CDC42BPA: variants seen among roughly 807,000 people sequenced by gnomAD.
CDC42BPA encodes serine/threonine-protein kinase MRCK alpha.
In CDC42BPA, 80 loss-of-function variants were observed where a neutral mutation model predicts 223.5. That is an observed-to-expected ratio of 0.36 (90% confidence interval 0.30 to 0.43). The LOEUF is 0.43. Ranked by LOEUF, CDC42BPA falls within the 20% of genes least tolerant of loss-of-function variation. CDC42BPA has a pLI of 1.00. For missense variants in CDC42BPA, 1,743 were observed against 2,099.9 expected (o/e 0.83, Z 3.32); for synonymous variants, 694 against 718.6 (o/e 0.97, Z 0.55).
intron 1 of CDC42BPA, among the ~76,000 whole-genome samples, chr1:227,299,416 C>T (rs1396666900): frequency 1.3e-5 from 2 of 152,072 alleles, no homozygotes; most frequent in African/African-American, 4.8e-5. Context: ...ATTACATCAT[C>T]TCCTTTTACT....
chr1:227,137,952 T>C (rs1015766609), intron 10 of CDC42BPA, among the ~76,000 whole-genome samples: 1 of 152,158 alleles, frequency 6.6e-6, no homozygotes, highest in Non-Finnish European at 1.5e-5. Flanking sequence ...AGTGTATACA[T>C]ATACAAATAT....
chr1:227,139,643 A>C lies in CDC42BPA; in HGVS notation c.1323T>G (p.Thr441=). Residue 441 remains threonine (T), a synonymous_variant, in exon 10 of 37, where the codon ACT becomes ACG. Coordinates refer to ENST00000366766, the MANE Select transcript of CDC42BPA (RefSeq NM_001394014.1). ...GCTTAATTCTTCTTTCATAAGCTTC[A>C]GTTGCTAAGTTGTTGTCTAGAGTCC... ...VQRTLDNNLA[T]EAYERRIKRL... 1 of 1,611,866 alleles carries C rather than the reference A, an allele frequency of 6.2e-7. No individual in the cohort carries two copies. The highest frequency in any genetic ancestry group is 8.5e-7 in the Non-Finnish European group (1 of 1,178,988).
rs772328155 is a variant in CDC42BPA, at chr1:227,016,981, T to A, written c.4685A>T (p.Asn1562Ile). ...SRKQMVRNIN[N>I]KRRYSFRVPE... The stretch of plus-strand genomic sequence containing the variant: ...GACTCTGAAGGAATAACGCCGCTTA[T>A]TGTTAATGTTTCTAACCATTTGTTT... Residue 1562 changes from asparagine to isoleucine, a missense_variant, in exon 33 of 37, where the codon AAT (asparagine) becomes ATT (isoleucine). Asn to Ile is a moderately radical substitution (Grantham distance 149). Transcript: ENST00000366766. 3 of 1,613,730 alleles carry A rather than the reference T, an allele frequency of 1.9e-6. No homozygotes were observed. In the Admixed American group the frequency reaches 5.0e-5, roughly 27 times the overall value.
chr1:227,048,009 G>T lies in CDC42BPA; in HGVS notation c.3011C>A (p.Thr1004Asn), dbSNP rs1340894914. The change falls in exon 23 of 37, where the codon ACT (threonine) becomes AAT (asparagine). Residue 1004 changes from threonine to asparagine, a missense_variant and splice_region_variant. This residue lies in a region of CDC42BPA where 678 missense variants were observed against 777.5 expected (regional missense o/e 0.87). Transcript: ENST00000366766. The part of the protein sequence containing the change: ...STSSEAEPVK[T>N]VDSTPLSVHT... Reference sequence around the variant, plus strand: ...AACTGAAAGTGGAGTGGAGTCTACAGTCTGAACCCAGGAGCAAAAAAGGAA... The same window carrying T: ...AACTGAAAGTGGAGTGGAGTCTACATTCTGAACCCAGGAGCAAAAAAGGAA... 6.3e-7 allele frequency: 1 copy of T among 1,594,526 alleles called. No homozygotes were observed. Among genetic ancestry groups the T allele is most frequent in the Admixed American group, 1.7e-5 (1 of 58,506 alleles).
At chr1:227,045,566 T>G (rs1333401947) in intron 23 of CDC42BPA, among the ~76,000 whole-genome samples, 2 of 152,168 alleles carry the variant, frequency 1.3e-5, no homozygotes, top group East Asian at 3.8e-4. Context: ...TTCTTTTTTC[T>G]GTCTTCCCTT....
At chr1:227,218,656 C>T (rs2150415581) in intron 2 of CDC42BPA, among the ~76,000 whole-genome samples, 1 of 152,252 alleles carries the variant, frequency 6.6e-6, no homozygotes, top group South Asian at 2.1e-4. Flanking sequence ...TTTACTACTC[C>T]AAGTACTGAA....
chr1:226,998,030 G>A lies in CDC42BPA; in HGVS notation c.4976-3050C>T, dbSNP rs558683457. ...AATAATAGAGAGCCAAATCATGAGTGAACTCCCATTACAATTGCTACAAAC... is the reference window on the plus strand; with the variant it reads ...AATAATAGAGAGCCAAATCATGAGTAAACTCCCATTACAATTGCTACAAAC... On this transcript the variant is annotated intron_variant, in intron 35 of 36. Coordinates refer to ENST00000366766, the MANE Select transcript of CDC42BPA (RefSeq NM_001394014.1). Among the ~76,000 whole-genome samples the A allele has an allele frequency of 1.5e-3, 235 of 152,226 alleles. 1 individual carries two copies. Among genetic ancestry groups the A allele is most frequent in the Middle Eastern group, 6.8e-3 (2 of 294 alleles).
At chr1:227,091,556 A>G (rs2149243773) in intron 16 of CDC42BPA, among the ~76,000 whole-genome samples, 1 of 152,292 alleles carries the variant, frequency 6.6e-6, no homozygotes, top group South Asian at 2.1e-4. Flanking sequence ...ATAAGCCAAA[A>G]TAAATCTATT....
At chr1:227,287,145 C>T (rs947359313) in intron 1 of CDC42BPA, among the ~76,000 whole-genome samples, 8 of 152,324 alleles carry the variant, frequency 5.3e-5, no homozygotes, top group African/African-American at 1.9e-4. Context: ...CATCATCACA[C>T]ATTTTACATG....
chr1:227,306,814 T>C (rs1692636608), intron 1 of CDC42BPA, among the ~76,000 whole-genome samples: 1 of 152,176 alleles, frequency 6.6e-6, no homozygotes, highest in Admixed American at 6.5e-5. Context: ...TCCTAATCTT[T>C]TCAAACAAGT....
Position 227,317,640 on chromosome 1 carries a change from A to AAGAAAAACAGAAAAGGGAGG in CDC42BPA, c.-478_-459dup, listed in dbSNP as rs1694615220. On this transcript the variant is annotated 5_prime_UTR_variant, in exon 1 of 37. It removes the in-frame stop codon of an upstream open reading frame in the 5' UTR. Coordinates refer to ENST00000366766, the MANE Select transcript of CDC42BPA (RefSeq NM_001394014.1). The stretch of plus-strand genomic sequence containing the variant: ...CATCAGCAATTCACTTCCCGGGAAG[A>AAGAAAAACAGAAAAGGGAGG]AGAAAAACAGAAAAGGGAGGAAAAA... 1.3e-5 allele frequency: 5 copies of AAGAAAAACAGAAAAGGGAGG among 397,438 alleles called. No homozygotes were observed. The highest frequency in any genetic ancestry group is 4.4e-5 in the Admixed American group (1 of 22,660). The allele number at this position is 397,438 out of a possible 1,614,324, so 24.6% of individuals were successfully genotyped here.
At chr1:227,164,698 G>A (rs1244501534) in intron 5 of CDC42BPA, among the ~76,000 whole-genome samples, 3 of 150,936 alleles carry the variant, frequency 2.0e-5, no homozygotes, top group Non-Finnish European at 4.4e-5. Context: ...GCACACACAC[G>A]TGCACGCACA....
At chr1:227,143,103 A>G in intron 8 of CDC42BPA, 79 bp from the exon 9 acceptor site, 1 of 873,154 alleles carries the variant, frequency 1.1e-6, no homozygotes, top group East Asian at 3.4e-5. Flanking sequence ...AAAATGCCAA[A>G]AAGAAATATT....
chr1:227,174,435 C>G (rs1167826185), intron 5 of CDC42BPA, among the ~76,000 whole-genome samples: 1 of 152,046 alleles, frequency 6.6e-6, no homozygotes. Flanking sequence ...AAGAAATCAG[C>G]GCAAAGCTCT....
Position 227,016,129 on chromosome 1 carries a change from G to A in CDC42BPA, c.4808C>T (p.Ala1603Val). Residue 1603 changes from alanine to valine, a missense_variant, in exon 34 of 37, where the codon GCA becomes GTA. Physicochemically the swap from Ala to Val is moderately conservative, Grantham distance 64. Around this residue, in one of 6 missense-constraint regions of CDC42BPA, gnomAD observed 44 missense variants for 81.0 expected, o/e 0.54. Coordinates refer to ENST00000366766, the MANE Select transcript of CDC42BPA (RefSeq NM_001394014.1). Reference sequence around the variant, plus strand: ...TATTCCATCTCCAGGACCCATGTGTGCTATGTGATTAAAATTAGTTGGATT... The same window carrying A: ...TATTCCATCTCCAGGACCCATGTGTACTATGTGATTAAAATTAGTTGGATT... ...ISNPTNFNHIAHMGPGDGIQI... is the reference protein window; with the variant it reads ...ISNPTNFNHIVHMGPGDGIQI... The A allele has an allele frequency of 1.9e-6, 3 of 1,605,458 alleles. No individual in the cohort carries two copies. The highest frequency in any genetic ancestry group is 1.1e-5 in the South Asian group (1 of 90,840).
intron 16 of CDC42BPA, among the ~76,000 whole-genome samples, chr1:227,086,900 T>C (rs1409471617): frequency 1.3e-5 from 2 of 152,158 alleles, no homozygotes; most frequent in African/African-American, 4.8e-5. Context: ...TTTGAACTCC[T>C]GGGCTTAAGT....
At chr1:227,314,460 C>T (rs546829444) in intron 1 of CDC42BPA, among the ~76,000 whole-genome samples, 2 of 152,124 alleles carry the variant, frequency 1.3e-5, no homozygotes, top group East Asian at 3.9e-4. Flanking sequence ...AGAAAAACAA[C>T]ATATCTGACT....
intron 5 of CDC42BPA, among the ~76,000 whole-genome samples, chr1:227,163,451 G>A (rs1480342030): frequency 6.6e-6 from 1 of 152,028 alleles, no homozygotes; most frequent in Non-Finnish European, 1.5e-5. Flanking sequence ...TGAAATTTCT[G>A]AGATGAAAGA....
chr1:227,101,163 A>C lies in CDC42BPA; in HGVS notation c.2078T>G (p.Leu693Trp). 2 of 1,590,474 alleles carry C rather than the reference A, an allele frequency of 1.3e-6. No homozygotes were observed. The highest frequency in any genetic ancestry group is 1.7e-6 in the Non-Finnish European group (2 of 1,159,370). Reference sequence around the variant, plus strand: ...TTCATAAAAGATACTTTTCTTTTCCAAATCAGTCTTTAGTTTGGTTATCTC... The same window carrying C: ...TTCATAAAAGATACTTTTCTTTTCCCAATCAGTCTTTAGTTTGGTTATCTC... ...QQEITKLKTD[L>W]EKKSIFYEEE... The change falls in exon 15 of 37, where the codon TTG (leucine) becomes TGG (tryptophan). Residue 693 changes from leucine (L) to tryptophan (W), a missense_variant. Leu to Trp is a moderately conservative substitution (Grantham distance 61). Around this residue, in one of 6 missense-constraint regions of CDC42BPA, gnomAD observed 464 missense variants for 488.0 expected, o/e 0.95. Transcript: ENST00000366766.
Sources: gnomAD v4.1 joint callset for allele counts (sites outside exome capture counted in the v4.1 genomes callset) on GRCh38, gnomAD v4.1.1 for gene constraint, gnomAD v4.1.1 regional missense constraint, MANE v1.5 for transcripts, NCBI Gene and HGNC (gene_info 2026-07-23, HGNC 2026-07-21) for gene names.